AFAP1L1: variants seen among roughly 807,000 people sequenced by gnomAD.
AFAP1L1 encodes the protein actin filament-associated protein 1-like 1.
In AFAP1L1, 77 loss-of-function variants were observed where a neutral mutation model predicts 99.8. That is an observed-to-expected ratio of 0.77 (90% CI 0.64 to 0.93). The LOEUF is 0.93. Among genes scored for constraint, AFAP1L1 ranks in the 40% least tolerant of loss-of-function variants. The pLI is 0.00. For missense variants in AFAP1L1, 893 were observed against 996.8 expected (o/e 0.90, Z 1.40); for synonymous variants, 373 against 395.3 (o/e 0.94, Z 0.67).
chr5:149,324,126 A>G (rs1757029236), intron 15 of AFAP1L1, among the ~76,000 whole-genome samples: 1 of 152,212 alleles, frequency 6.6e-6, no homozygotes, highest in Non-Finnish European at 1.5e-5. Flanking sequence ...AATTCCAACA[A>G]GGTTGTTTTT....
chr5:149,333,922 T>C (rs1003777593), intron 17 of AFAP1L1, among the ~76,000 whole-genome samples: 15 of 152,228 alleles, frequency 9.9e-5, no homozygotes, highest in Admixed American at 9.2e-4. Flanking sequence ...TGTGTGTGTA[T>C]ATATATTTGT....
intron 1 of AFAP1L1, among the ~76,000 whole-genome samples, chr5:149,275,889 A>G (rs1755305106): frequency 6.6e-6 from 1 of 152,178 alleles, no homozygotes; most frequent in South Asian, 2.1e-4. Context: ...TACCTCCATA[A>G]AGACCCTGTC....
intron 1 of AFAP1L1, among the ~76,000 whole-genome samples, chr5:149,274,706 A>C (rs533392971): frequency 4.5e-4 from 69 of 152,120 alleles, no homozygotes; most frequent in Admixed American, 1.5e-3. Flanking sequence ...TGGTGAAACC[A>C]CATCTCTACT....
At chr5:149,315,795 G>A (rs1490611409) in intron 9 of AFAP1L1, 26 bp from the exon 10 acceptor site, 2 of 1,608,876 alleles carry the variant, frequency 1.2e-6, no homozygotes, top group Non-Finnish European at 1.7e-6. Flanking sequence ...GCCCTCTGAT[G>A]AGGGACTGCC....
chr5:149,304,727 AC>A (rs528032423), intron 5 of AFAP1L1, among the ~76,000 whole-genome samples: 1 of 150,212 alleles, frequency 6.7e-6, no homozygotes, highest in Non-Finnish European at 1.5e-5. Context: ...TTCACACCTG[AC>A]CCCCCCGTTC....
At chr5:149,336,817 C>T (rs62378137) in intron 18 of AFAP1L1, among the ~76,000 whole-genome samples, 8,851 of 152,286 alleles carry the variant, frequency 0.058, 350 homozygotes, top group Non-Finnish European at 0.083. Context: ...CTCAATACTG[C>T]CACATTAGGG....
At chr5:149,338,849 G>A (rs1474143702) in intron 18 of AFAP1L1, among the ~76,000 whole-genome samples, 2 of 152,220 alleles carry the variant, frequency 1.3e-5, no homozygotes, top group South Asian at 2.1e-4. Flanking sequence ...AGGGAAGGAC[G>A]AACCAGGCAG....
In AFAP1L1 at chr5:149,317,004, A is replaced by G. The variant is rs1378190291; in HGVS notation, c.1267+701A>G. Among the ~76,000 whole-genome samples, 3 of 151,970 alleles carry G rather than the reference A, an allele frequency of 2.0e-5. No homozygotes were observed. In the East Asian group the frequency reaches 5.8e-4, roughly 29 times the overall value. On this transcript the variant is annotated intron_variant, in intron 11 of 18. Transcript: ENST00000296721. ...ACATGGTGAAACTCTGTCTCTACCA[A>G]AAATACAAAAATTAGCCAGGCATGG...
chr5:149,339,816 G>T (rs1191820114), intron 18 of AFAP1L1, among the ~76,000 whole-genome samples, 191 bp from the exon 19 acceptor site: 1 of 152,156 alleles, frequency 6.6e-6, no homozygotes, highest in Non-Finnish European at 1.5e-5. Context: ...GTTGAGAATG[G>T]ATGAAGGGAC....
At chr5:149,329,641 C>T (rs1192914214) in intron 15 of AFAP1L1, 25 bp from the exon 16 acceptor site, 9 of 1,600,228 alleles carry the variant, frequency 5.6e-6, no homozygotes, top group Non-Finnish European at 6.8e-6. Context: ...AACTGAGGGC[C>T]TTTCCCTTCC....
chr5:149,299,944 AC>A (rs1483041716), intron 2 of AFAP1L1, among the ~76,000 whole-genome samples: 1 of 149,038 alleles, frequency 6.7e-6, no homozygotes, highest in Non-Finnish European at 1.5e-5. Flanking sequence ...ACACCCACAT[AC>A]CCCCCACACT....
At position 149,305,878 on chromosome 5, in the gene AFAP1L1, C is replaced by CCACACACACACACACACACA. The variant is rs56036411; in HGVS notation, c.437-404_437-385dup. ...AAAAATCAGAGCTGCGACCAACACA[C>CCACACACACACACACACACA]CACACACACACACACACACACACAC... On this transcript the variant is annotated intron_variant, in intron 5 of 18. Coordinates refer to ENST00000296721, the MANE Select transcript of AFAP1L1 (RefSeq NM_152406.4). 2.1e-4 allele frequency among the ~76,000 whole-genome samples: 30 copies of CCACACACACACACACACACA among 142,566 alleles called. No homozygotes were observed. In the East Asian group the frequency reaches 3.0e-3, roughly 14 times the overall value. 93.5% of individuals were successfully genotyped at this position (142,566 alleles called of 152,430 possible).
At chr5:149,324,170 A>C (rs1406813785) in intron 15 of AFAP1L1, among the ~76,000 whole-genome samples, 4 of 152,314 alleles carry the variant, frequency 2.6e-5, no homozygotes, top group East Asian at 3.9e-4. Flanking sequence ...AAAAGGGAAG[A>C]TATCTTAGTC....
intron 1 of AFAP1L1, among the ~76,000 whole-genome samples, chr5:149,296,470 G>A (rs542910129): frequency 3.1e-4 from 47 of 152,362 alleles, no homozygotes; most frequent in African/African-American, 1.1e-3. Flanking sequence ...GCTTTTGAAT[G>A]TGAGTCGTGG....
rs1756909277 is a variant in AFAP1L1 at position 149,320,105 on chromosome 5, G to T, written c.1626-286G>T. ...TCCCAGCTCAGTCACCACCAGCAGT[G>T]GAAGCTTGCACTGGTTGCTTGCCAT... On this transcript the variant is annotated intron_variant, in intron 13 of 18. Coordinates refer to ENST00000296721, the MANE Select transcript of AFAP1L1 (RefSeq NM_152406.4). This position sits in a 1 kb window ranked among gnomAD's most constrained non-coding sequence, Gnocchi z 4.0. Among the ~76,000 whole-genome samples, 1 of 152,192 alleles carries T rather than the reference G, an allele frequency of 6.6e-6. No individual in the cohort carries two copies. The highest frequency in any genetic ancestry group is 1.9e-4 in the East Asian group (1 of 5,192).
At chr5:149,326,560 A>G (rs1357706334) in intron 15 of AFAP1L1, among the ~76,000 whole-genome samples, 5 of 147,114 alleles carry the variant, frequency 3.4e-5, no homozygotes, top group Non-Finnish European at 6.0e-5. Context: ...AAAAAAAAAA[A>G]AAGAAAGAAA....
chr5:149,314,285 AGT>A (rs962605647), intron 9 of AFAP1L1, among the ~76,000 whole-genome samples: 3 of 151,964 alleles, frequency 2.0e-5, no homozygotes, highest in South Asian at 2.1e-4. Context: ...AGTGTGTGTG[AGT>A]GTGTGTGTGT....
intron 8 of AFAP1L1, 144 bp downstream of exon 8, chr5:149,310,279 T>C (rs373394571): frequency 7.1e-6 from 7 of 991,326 alleles, no homozygotes; most frequent in Non-Finnish European, 8.6e-6. Context: ...CTAGGGCTTA[T>C]GTATGGAAAT....
rs941028149 is a variant in AFAP1L1, at chr5:149,271,931, C to A, written c.-38C>A. 7.4e-6 allele frequency: 9 copies of A among 1,223,760 alleles called. No individual in the cohort carries two copies. The South Asian group carries it at 2.5e-4, about 34-fold the overall frequency. 75.8% of individuals were successfully genotyped at this position (1,223,760 alleles called of 1,614,324 possible). A position where few individuals can be genotyped will look rare whatever the true frequency, so the allele number is the denominator to read the frequency against. On this transcript the variant is annotated 5_prime_UTR_variant, in exon 1 of 19. Coordinates refer to ENST00000296721, the MANE Select transcript of AFAP1L1 (RefSeq NM_152406.4). ...GCTACCAGCCGCGCCGGAGCCCCTGCGCCCTGCGGCCCGCTCCCCGGGGAC... is the reference window on the plus strand; with the variant it reads ...GCTACCAGCCGCGCCGGAGCCCCTGAGCCCTGCGGCCCGCTCCCCGGGGAC...
Sources: gnomAD v4.1 joint callset for allele counts (sites outside exome capture counted in the v4.1 genomes callset) on GRCh38, gnomAD v4.1.1 for gene constraint, Gnocchi (gnomAD v3.1) non-coding constraint, MANE v1.5 for transcripts, NCBI Gene and HGNC (gene_info 2026-07-23, HGNC 2026-07-21) for gene names.